Variants in SEMA3E observed in about 807,000 individuals in gnomAD.
The protein encoded by SEMA3E is semaphorin 3E.
In SEMA3E, 49 loss-of-function variants were observed where a neutral mutation model predicts 93.6. The observed-to-expected ratio is 0.52, with a 90% CI of 0.42 to 0.66. SEMA3E has a LOEUF of 0.66. Ranked by LOEUF, SEMA3E falls within the 30% of genes least tolerant of loss-of-function variation. The pLI is 0.00. For synonymous variants in SEMA3E, 363 were observed against 330.7 expected (o/e 1.10, Z -1.06); for missense variants, 906 against 964.8 (o/e 0.94, Z 0.81).
At chr7:83,426,642 C>A (rs1460958950) in intron 4 of SEMA3E, among the ~76,000 whole-genome samples, 1 of 152,092 alleles carries the variant, frequency 6.6e-6, no homozygotes, top group Non-Finnish European at 1.5e-5. Flanking sequence ...ATGTAACAAA[C>A]CTGCACATGT....
chr7:83,621,153 G>A (rs1176515898), intron 1 of SEMA3E, among the ~76,000 whole-genome samples: 1 of 152,090 alleles, frequency 6.6e-6, no homozygotes, highest in African/African-American at 2.4e-5. Context: ...AAAGTTTCAG[G>A]ATACAAAATT....
chr7:83,428,214 G>C (rs1398237203), intron 4 of SEMA3E, among the ~76,000 whole-genome samples: 1 of 152,192 alleles, frequency 6.6e-6, no homozygotes, highest in African/African-American at 2.4e-5. Flanking sequence ...CACATGTGAT[G>C]CCAACTCAAT....
chr7:83,444,748 G>A (rs1027156533), intron 4 of SEMA3E, among the ~76,000 whole-genome samples: 5 of 148,894 alleles, frequency 3.4e-5, no homozygotes, highest in Admixed American at 1.4e-4. Flanking sequence ...TCGGCTCACT[G>A]CAAACTCCGC....
At chr7:83,610,784 G>C (rs574760058) in intron 1 of SEMA3E, among the ~76,000 whole-genome samples, 2 of 152,140 alleles carry the variant, frequency 1.3e-5, no homozygotes, top group African/African-American at 4.8e-5. Context: ...TCATCCACAA[G>C]CAAAGGTGAG....
chr7:83,487,377 T>A (rs1584282809), intron 2 of SEMA3E, among the ~76,000 whole-genome samples: 2 of 152,278 alleles, frequency 1.3e-5, no homozygotes, highest in South Asian at 2.1e-4. Context: ...ATTTGAGAAC[T>A]AATTCTTCAA....
chr7:83,464,584 A>C (rs1470163260), intron 4 of SEMA3E, among the ~76,000 whole-genome samples: 1 of 142,600 alleles, frequency 7.0e-6, no homozygotes, highest in Non-Finnish European at 1.5e-5. Context: ...CTCCTTAGGC[A>C]CTCTCTAATC....
At chr7:83,441,935 C>T (rs1054110134) in intron 4 of SEMA3E, among the ~76,000 whole-genome samples, 5 of 152,124 alleles carry the variant, frequency 3.3e-5, no homozygotes, top group Non-Finnish European at 5.9e-5. Context: ...TCAATCAGTA[C>T]TTTCAACTTG....
intron 14 of SEMA3E, among the ~76,000 whole-genome samples, chr7:83,390,458 C>A (rs1343863834): frequency 1.3e-5 from 2 of 151,918 alleles, no homozygotes; most frequent in Non-Finnish European, 2.9e-5. Flanking sequence ...CATTATAAAC[C>A]ATAGTGTATT....
chr7:83,638,301 A>G (rs1459046784), intron 1 of SEMA3E, among the ~76,000 whole-genome samples: 1 of 152,224 alleles, frequency 6.6e-6, no homozygotes, highest in Non-Finnish European at 1.5e-5. Context: ...ACATCAGAGC[A>G]GATTAATACA....
rs1215316755 is a variant in SEMA3E, at chr7:83,490,087, C to G, written c.276+27G>C. ...AAATTTCCCCCCTTTTCTATCTCTACTGAAATGCAGTTTGATATTTCTATA... is the reference window on the plus strand; with the variant it reads ...AAATTTCCCCCCTTTTCTATCTCTAGTGAAATGCAGTTTGATATTTCTATA... On this transcript the variant is annotated intron_variant, in intron 2 of 16. Transcript: ENST00000643230. 1.9e-6 allele frequency: 3 copies of G among 1,608,604 alleles called. No homozygotes were observed. In the African/African-American group the frequency reaches 4.0e-5, roughly 21 times the overall value.
intron 6 of SEMA3E, 96 bp downstream of exon 6, chr7:83,408,272 T>C: frequency 7.2e-7 from 1 of 1,390,372 alleles, no homozygotes; most frequent in Non-Finnish European, 1.0e-6. Flanking sequence ...AAAGGAATTG[T>C]ATTTATATTC....
chr7:83,507,716 T>C (rs1355213317), intron 1 of SEMA3E, among the ~76,000 whole-genome samples: 1 of 151,658 alleles, frequency 6.6e-6, no homozygotes, highest in East Asian at 1.9e-4. Context: ...GGTGGGAGGA[T>C]CATTTGAGCC....
intron 4 of SEMA3E, among the ~76,000 whole-genome samples, chr7:83,454,851 T>A (rs1209030932): frequency 2.6e-5 from 4 of 152,208 alleles, no homozygotes; most frequent in African/African-American, 9.6e-5. Flanking sequence ...TCTCCTGCTG[T>A]CACATTACAA....
At chr7:83,395,725 A>C (rs1420786216) in intron 12 of SEMA3E, among the ~76,000 whole-genome samples, 1 of 151,974 alleles carries the variant, frequency 6.6e-6, no homozygotes, top group Non-Finnish European at 1.5e-5. Context: ...AGTGCTGTTT[A>C]ATGTTCCTAA....
intron 9 of SEMA3E, among the ~76,000 whole-genome samples, chr7:83,404,194 T>C (rs1396208130): frequency 2.0e-5 from 3 of 151,956 alleles, no homozygotes; most frequent in Non-Finnish European, 4.4e-5. Context: ...ATTAACTATT[T>C]TTCTTTGCAT....
At chr7:83,540,599 C>T (rs1410564778) in intron 1 of SEMA3E, among the ~76,000 whole-genome samples, 1 of 152,196 alleles carries the variant, frequency 6.6e-6, no homozygotes, top group African/African-American at 2.4e-5. Flanking sequence ...ACATCTGCAA[C>T]TAAGTTATGT....
chr7:83,540,797 T>A (rs1459241623), intron 1 of SEMA3E, among the ~76,000 whole-genome samples: 1 of 152,214 alleles, frequency 6.6e-6, no homozygotes, highest in Non-Finnish European at 1.5e-5. Context: ...CAATTAAATG[T>A]GAGAATAATA....
At chr7:83,592,685 GA>G (rs1358943666) in intron 1 of SEMA3E, among the ~76,000 whole-genome samples, 2 of 152,106 alleles carry the variant, frequency 1.3e-5, no homozygotes, top group Non-Finnish European at 2.9e-5. Flanking sequence ...TTGGTATGTA[GA>G]AAAATGTCTC....
At chr7:83,566,863 A>G (rs1404839905) in intron 1 of SEMA3E, among the ~76,000 whole-genome samples, 3 of 152,240 alleles carry the variant, frequency 2.0e-5, no homozygotes, top group African/African-American at 7.2e-5. Context: ...AGAAAGAAGG[A>G]ACAAAGGACA....
Sources: gnomAD v4.1 joint callset for allele counts (sites outside exome capture counted in the v4.1 genomes callset) on GRCh38, gnomAD v4.1.1 for gene constraint, MANE v1.5 for transcripts, NCBI Gene and HGNC (gene_info 2026-07-23, HGNC 2026-07-21) for gene names.